MICOS10: variants seen among roughly 807,000 people sequenced by gnomAD.
The protein encoded by MICOS10 is MICOS complex subunit MIC10.
Under a neutral mutation model 13.4 loss-of-function variants are expected in MICOS10, and 5 were observed. The observed-to-expected ratio is 0.37, with a 90% CI of 0.20 to 0.78. The LOEUF (loss-of-function observed/expected upper bound fraction) is 0.78, where lower values mean the gene tolerates loss of function less well. Ranked by LOEUF, MICOS10 falls within the 30% of genes least tolerant of loss-of-function variation. The pLI is 0.47. For synonymous variants in MICOS10, 35 were observed against 33.6 expected, an observed-to-expected ratio of 1.04 and a Z score of -0.15; for missense variants, 101 against 94.6, an observed-to-expected ratio of 1.07 and a Z score of -0.28.
intron 1 of MICOS10, among the ~76,000 whole-genome samples, chr1:19,621,480 G>A (rs1456312236): frequency 6.6e-6 from 1 of 152,146 alleles, no homozygotes; most frequent in Non-Finnish European, 1.5e-5. Context: ...GGACATGGCA[G>A]GTACAGTAGC....
chr1:19,626,356 C>T, intron 3 of MICOS10, 31 bp from the exon 4 acceptor site: 1 of 1,613,878 alleles, frequency 6.2e-7, no homozygotes, highest in Non-Finnish European at 8.5e-7. Flanking sequence ...GCCGTCTGCA[C>T]AGTTTTAAGC....
At chr1:19,601,970 T>G (rs2094816834) in intron 1 of MICOS10, among the ~76,000 whole-genome samples, 1 of 152,236 alleles carries the variant, frequency 6.6e-6, no homozygotes, top group Non-Finnish European at 1.5e-5. Flanking sequence ...AAGTTTGACA[T>G]TGATAGGTCT....
intron 1 of MICOS10, among the ~76,000 whole-genome samples, chr1:19,609,459 A>G (rs2094850265): frequency 6.6e-6 from 1 of 152,224 alleles, no homozygotes; most frequent in Non-Finnish European, 1.5e-5. Flanking sequence ...AGTTAAACAT[A>G]TGATATAGCC....
intron 1 of MICOS10, among the ~76,000 whole-genome samples, chr1:19,613,446 A>G (rs1005885133): frequency 6.6e-6 from 1 of 152,210 alleles, no homozygotes; most frequent in Non-Finnish European, 1.5e-5. Context: ...ATTTGGCAGC[A>G]AGGAGCTTGC....
chr1:19,608,106 G>T lies in MICOS10; in HGVS notation c.64+10997G>T, dbSNP rs1323846465. ...TTCCCGTGTGGAGTCTGGAGACGAC[G>T]TGCAGAAATGGCACCTGGAAAGGGG... On this transcript the variant is annotated intron_variant, in intron 1 of 3. Transcript: ENST00000322753. 2.9e-5 allele frequency: 28 copies of T among 975,516 alleles called. No homozygotes were observed. The East Asian group carries it at 6.4e-4, about 22-fold the overall frequency. 60.4% of individuals were successfully genotyped at this position (975,516 alleles called of 1,614,324 possible). A position where few individuals can be genotyped will look rare whatever the true frequency, so the allele number is the denominator to read the frequency against.
intron 1 of MICOS10, among the ~76,000 whole-genome samples, chr1:19,602,633 C>T (rs564647207): frequency 1.3e-5 from 2 of 152,264 alleles, no homozygotes; most frequent in African/African-American, 4.8e-5. Context: ...GTGAATGCGT[C>T]ATTAATGGGT....
intron 1 of MICOS10, among the ~76,000 whole-genome samples, chr1:19,612,190 C>T (rs1240683842): frequency 6.7e-6 from 1 of 150,206 alleles, no homozygotes; most frequent in Non-Finnish European, 1.5e-5. Flanking sequence ...CTACAGGCGC[C>T]CACCACCATG....
chr1:19,607,014 A>C (rs1037534248), intron 1 of MICOS10, among the ~76,000 whole-genome samples: 3 of 152,254 alleles, frequency 2.0e-5, no homozygotes, highest in African/African-American at 7.2e-5. Flanking sequence ...CTCACCAAAA[A>C]TTGCCTGTTG....
chr1:19,599,660 A>G (rs1570461145), intron 1 of MICOS10, among the ~76,000 whole-genome samples: 1 of 152,176 alleles, frequency 6.6e-6, no homozygotes, highest in Non-Finnish European at 1.5e-5. Context: ...GGTAGGATGG[A>G]AGAAGAACTT....
intron 1 of MICOS10, among the ~76,000 whole-genome samples, chr1:19,603,254 C>T (rs563354686): frequency 1.3e-5 from 2 of 152,102 alleles, no homozygotes; most frequent in African/African-American, 4.8e-5. Context: ...AGCTTGAACC[C>T]GGGAGGTAGA....
At chr1:19,623,781 G>T (rs1484086706) in intron 3 of MICOS10, 198 bp downstream of exon 3, 1 of 518,566 alleles carries the variant, frequency 1.9e-6, no homozygotes, top group Non-Finnish European at 3.4e-6. Context: ...CTTCAGATGC[G>T]TATGTACGTT....
intron 3 of MICOS10, chr1:19,625,256 GT>G: frequency 1.1e-6 from 1 of 905,714 alleles, no homozygotes; most frequent in Admixed American, 3.5e-5. Context: ...CTTGTCCATT[GT>G]TCCACTGTAA....
chr1:19,609,767 A>G (rs2094851690), intron 1 of MICOS10, among the ~76,000 whole-genome samples: 1 of 152,254 alleles, frequency 6.6e-6, no homozygotes, highest in Admixed American at 6.5e-5. Flanking sequence ...TTACATATTT[A>G]CATACGAATT....
chr1:19,607,869 T>G (rs1390527497), intron 1 of MICOS10, among the ~76,000 whole-genome samples: 1 of 152,216 alleles, frequency 6.6e-6, no homozygotes, highest in Non-Finnish European at 1.5e-5. Flanking sequence ...GAGCTGGACA[T>G]ATAAATCAGT....
At chr1:19,608,992 A>AG (rs2094847224) in intron 1 of MICOS10, among the ~76,000 whole-genome samples, 1 of 102,412 alleles carries the variant, frequency 9.8e-6, no homozygotes, top group African/African-American at 4.1e-5. Context: ...CACTTTTCCC[A>AG]GCTTTTTTTT....
intron 3 of MICOS10, among the ~76,000 whole-genome samples, chr1:19,625,154 AT>A (rs887432832): frequency 4.8e-4 from 73 of 152,220 alleles, no homozygotes; most frequent in African/African-American, 1.7e-3. Context: ...TTGTTGTGAG[AT>A]TTAGACACAA....
chr1:19,623,004 C>T (rs919783166), intron 2 of MICOS10, among the ~76,000 whole-genome samples: 4 of 150,288 alleles, frequency 2.7e-5, no homozygotes, highest in African/African-American at 9.9e-5. Flanking sequence ...TCACTGCAAC[C>T]TCCGCCTCCC....
At chr1:19,607,298 G>A (rs1006385569) in intron 1 of MICOS10, among the ~76,000 whole-genome samples, 28 of 152,186 alleles carry the variant, frequency 1.8e-4, no homozygotes, top group Admixed American at 4.6e-4. Flanking sequence ...GTAATTAGGC[G>A]CTATGTGGAA....
chr1:19,614,023 C>T (rs1229225425), intron 1 of MICOS10, among the ~76,000 whole-genome samples: 33 of 152,110 alleles, frequency 2.2e-4, no homozygotes, highest in Admixed American at 2.2e-3. Context: ...CCTTTATTTA[C>T]TATTCCAGAA....
Sources: allele counts gnomAD v4.1 joint callset (sites outside exome capture counted in the v4.1 genomes callset), GRCh38; gene constraint gnomAD v4.1.1; transcripts MANE v1.5; gene names NCBI Gene and HGNC (gene_info 2026-07-23, HGNC 2026-07-21).